The following SULT1C3 variants were observed in gnomAD, a reference collection of about 807,000 sequenced individuals.
SULT1C3 encodes sulfotransferase family 1C member 3.
SULT1C3 carries 31 observed loss-of-function variants against 28.4 expected under a neutral mutation model. That is an observed-to-expected ratio of 1.09 (90% CI 0.82 to 1.47). SULT1C3 has a LOEUF of 1.47. SULT1C3 is among the 40% of genes most tolerant of loss of function. The pLI, the probability that SULT1C3 is intolerant of heterozygous loss-of-function variation, is 0.00. For missense variants in SULT1C3, 307 were observed against 272.5 expected (o/e 1.13, Z -0.89); for synonymous variants, 106 against 92.2 (o/e 1.15, Z -0.86).
intron 5 of SULT1C3, among the ~76,000 whole-genome samples, chr2:108,256,795 G>A (rs1272005725): frequency 6.6e-6 from 1 of 152,070 alleles, no homozygotes; most frequent in African/African-American, 2.4e-5. Flanking sequence ...TGTCTCTCCA[G>A]TGAATCAAGA....
At chr2:108,244,958 C>T (rs1218676418) in intron 1 of SULT1C3, among the ~76,000 whole-genome samples, 1 of 152,118 alleles carries the variant, frequency 6.6e-6, no homozygotes, top group East Asian at 1.9e-4. Context: ...ATGAAGGAGT[C>T]CCAGTGCTTC....
At chr2:108,254,874 G>A (rs1675832570) in intron 4 of SULT1C3, among the ~76,000 whole-genome samples, 1 of 150,632 alleles carries the variant, frequency 6.6e-6, no homozygotes, top group Non-Finnish European at 1.5e-5. Flanking sequence ...TCAAATCTTT[G>A]AGAACCATTG....
chr2:108,251,570 C>T (rs954008313), intron 2 of SULT1C3, among the ~76,000 whole-genome samples: 1 of 151,876 alleles, frequency 6.6e-6, no homozygotes, highest in Non-Finnish European at 1.5e-5. Flanking sequence ...TCGCTAGAAC[C>T]TAATCAAGAC....
intron 4 of SULT1C3, among the ~76,000 whole-genome samples, chr2:108,254,436 T>C (rs1057195468): frequency 6.6e-6 from 1 of 151,988 alleles, no homozygotes; most frequent in East Asian, 1.9e-4. Context: ...TGTATCTATA[T>C]TGGGGTATCT....
At chr2:108,257,035 T>C (rs529782932) in intron 5 of SULT1C3, among the ~76,000 whole-genome samples, 1 of 152,098 alleles carries the variant, frequency 6.6e-6, no homozygotes, top group African/African-American at 2.4e-5. Context: ...ACTGTTTTTT[T>C]GTGTCAACTT....
intron 2 of SULT1C3, 81 bp from the exon 3 acceptor site, chr2:108,252,284 C>T (rs2104387672): frequency 7.2e-7 from 1 of 1,379,856 alleles, no homozygotes; most frequent in Non-Finnish European, 9.8e-7. Context: ...TCTCATGTTG[C>T]TGTCTTTCTT....
At position 108,259,017 on chromosome 2, in the gene SULT1C3, TCAGGTGATGTTATAAACAA is replaced by T. The variant is rs1035885053; in HGVS notation, c.674_692del (p.Ser225Ter). 8.3e-5 allele frequency: 27 copies of T among 323,814 alleles called. No individual in the cohort carries two copies. The highest frequency in any genetic ancestry group is 1.3e-4 in the Non-Finnish European group (20 of 149,876). 20.1% of individuals were successfully genotyped at this position (323,814 alleles called of 1,614,324 possible). A position where few individuals can be genotyped will look rare whatever the true frequency, so the allele number is the denominator to read the frequency against. On this transcript the variant is annotated frameshift_variant, in exon 7 of 8. Transcript: ENST00000681802. LOFTEE classifies it high-confidence loss of function. Reference sequence around the variant, plus strand: ...GTTGGAATTCTTGGAGAAAACTTGGTCAGGTGATGTTATAAACAAGATTGTCCACCATACCTCATTTGAT... The same window carrying T: ...GTTGGAATTCTTGGAGAAAACTTGGTGATTGTCCACCATACCTCATTTGAT...
intron 1 of SULT1C3, among the ~76,000 whole-genome samples, chr2:108,243,011 G>A (rs924182238): frequency 3.3e-5 from 5 of 152,006 alleles, no homozygotes; most frequent in African/African-American, 9.7e-5. Context: ...CTTTTTACTC[G>A]ACTTTAGCCA....
chr2:108,262,125 T>C (rs1260973554), downstream of SULT1C3, among the ~76,000 whole-genome samples: 1 of 152,118 alleles, frequency 6.6e-6, no homozygotes, highest in Non-Finnish European at 1.5e-5. Flanking sequence ...TTTCCTCTAG[T>C]ATTCCCTAAA....
chr2:108,252,181 AGATAGATG>A (rs1163641780), intron 2 of SULT1C3, among the ~76,000 whole-genome samples, 176 bp from the exon 3 acceptor site: 6 of 143,378 alleles, frequency 4.2e-5, no homozygotes, highest in Non-Finnish European at 9.3e-5. Flanking sequence ...ATAGATAGAT[AGATAGATG>A]GATAGATAGA....
At chr2:108,249,086 C>G (rs1675662762) in intron 2 of SULT1C3, among the ~76,000 whole-genome samples, 1 of 151,922 alleles carries the variant, frequency 6.6e-6, no homozygotes, top group Admixed American at 6.6e-5. Context: ...GGCAAAACAC[C>G]CTGAAGTCCC....
intron 1 of SULT1C3, among the ~76,000 whole-genome samples, chr2:108,246,363 CA>C (rs981638266): frequency 3.4e-4 from 51 of 152,200 alleles, no homozygotes; most frequent in African/African-American, 1.2e-3. Context: ...TGAGACTGGG[CA>C]ATTTAAAAAA....
chr2:108,252,720 T>C (rs1675763073), intron 3 of SULT1C3, among the ~76,000 whole-genome samples: 2 of 152,046 alleles, frequency 1.3e-5, no homozygotes, highest in African/African-American at 2.4e-5. Context: ...CTCTTTCTCA[T>C]ATTTCTCCTA....
downstream of SULT1C3, among the ~76,000 whole-genome samples, chr2:108,262,227 G>A (rs1460002695): frequency 6.6e-6 from 1 of 152,144 alleles, no homozygotes; most frequent in East Asian, 1.9e-4. Context: ...CTTTGTAATT[G>A]GAGACATGAG....
Position 108,253,446 on chromosome 2 carries a change from T to C in SULT1C3, c.399+4T>C. ...TATCTGGAAAGAAAACTGCAAGGTATAAAGAGGGGGCTTTTCAAACTTCTC... is the reference window on the plus strand; with the variant it reads ...TATCTGGAAAGAAAACTGCAAGGTACAAAGAGGGGGCTTTTCAAACTTCTC... On this transcript the variant is annotated splice_donor_region_variant and intron_variant, in intron 4 of 7. Coordinates refer to ENST00000681802, the MANE Select transcript of SULT1C3 (RefSeq NM_001320878.2). 4 of 1,482,222 alleles carry C rather than the reference T, an allele frequency of 2.7e-6. No individual in the cohort carries two copies. In the South Asian group the frequency reaches 5.9e-5, roughly 22 times the overall value. 91.8% of individuals were successfully genotyped at this position (1,482,222 alleles called of 1,614,324 possible).
chr2:108,264,564 C>T (rs548386226), downstream of SULT1C3, among the ~76,000 whole-genome samples: 1 of 152,268 alleles, frequency 6.6e-6, no homozygotes, highest in African/African-American at 2.4e-5. Flanking sequence ...CTTTCTCAGC[C>T]AGCCTTGTGA....
At chr2:108,244,832 C>A (rs1000197468) in intron 1 of SULT1C3, among the ~76,000 whole-genome samples, 2 of 152,070 alleles carry the variant, frequency 1.3e-5, no homozygotes, top group East Asian at 1.9e-4. Flanking sequence ...TTTGGGCCTG[C>A]CTGATATGAT....
At chr2:108,250,880 C>G (rs1396923408) in intron 2 of SULT1C3, among the ~76,000 whole-genome samples, 1 of 151,960 alleles carries the variant, frequency 6.6e-6, no homozygotes, top group Non-Finnish European at 1.5e-5. Context: ...AAACATAGAT[C>G]AGCAGTTCCG....
At chr2:108,264,889 T>G, downstream of SULT1C3, 3 of 1,613,844 alleles carry the variant, frequency 1.9e-6, no homozygotes, top group Non-Finnish European at 2.5e-6. Flanking sequence ...GAGGAAATTC[T>G]GAATAAAATC....
Sources: allele counts gnomAD v4.1 joint callset (sites outside exome capture counted in the v4.1 genomes callset), GRCh38; gene constraint gnomAD v4.1.1; transcripts MANE v1.5; gene names NCBI Gene and HGNC (gene_info 2026-07-23, HGNC 2026-07-21).